Variants in EIF4E3 observed in about 807,000 individuals in gnomAD.
EIF4E3 encodes eukaryotic translation initiation factor 4E type 3.
A neutral mutation model predicts 31.7 loss-of-function variants in EIF4E3; 26 were observed. The ratio of observed to expected loss-of-function variants is 0.82; its 90% CI spans 0.60 to 1.14. EIF4E3 has a LOEUF of 1.14. Ranked by LOEUF, EIF4E3 falls within the 50% of genes most tolerant of loss-of-function variation. EIF4E3 has a pLI of 0.00. For synonymous variants in EIF4E3, 128 were observed against 107.7 expected, an observed-to-expected ratio of 1.19 and a Z score of -1.17; for missense variants, 304 against 270.9, an observed-to-expected ratio of 1.12 and a Z score of -0.86.
chr3:71,693,804 G>C, intron 5 of EIF4E3, 71 bp downstream of exon 5: 2 of 1,341,478 alleles, frequency 1.5e-6, no homozygotes, highest in Non-Finnish European at 2.0e-6. Flanking sequence ...GTGATAACAA[G>C]CTGCTGCAAG....
chr3:71,710,030 C>T (rs897336413), intron 2 of EIF4E3, among the ~76,000 whole-genome samples: 1 of 151,158 alleles, frequency 6.6e-6, no homozygotes, highest in South Asian at 2.1e-4. Context: ...AGGGAAGGCG[C>T]CACTGCCTCT....
chr3:71,718,600 G>A (rs1179281028), intron 1 of EIF4E3, among the ~76,000 whole-genome samples: 1 of 152,196 alleles, frequency 6.6e-6, no homozygotes, highest in African/African-American at 2.4e-5. Context: ...TCCCATGACA[G>A]ATCACTAAAT....
chr3:71,665,711 C>T, the EIF4E3 span, among the ~76,000 whole-genome samples: 2 of 152,148 alleles, frequency 1.3e-5, no homozygotes, highest in African/African-American at 4.8e-5. Flanking sequence ...AAGTAAAACA[C>T]CCCTCAGCAA....
intron 4 of EIF4E3, among the ~76,000 whole-genome samples, chr3:71,694,557 T>TCAGTC (rs144945424): frequency 0.1 from 15,410 of 152,118 alleles, 1,795 homozygotes; most frequent in East Asian, 0.49. Flanking sequence ...CAATGAGAAA[T>TCAGTC]ACTGGAGTTT....
chr3:71,659,766 C>T, the EIF4E3 span, among the ~76,000 whole-genome samples: 1 of 152,232 alleles, frequency 6.6e-6, no homozygotes, highest in Non-Finnish European at 1.5e-5. Context: ...CCACATCCTG[C>T]TTCTCCATCA....
chr3:71,720,014 A>AATATAT (rs556321292), intron 1 of EIF4E3, among the ~76,000 whole-genome samples: 2 of 151,162 alleles, frequency 1.3e-5, no homozygotes, highest in African/African-American at 4.9e-5. Flanking sequence ...CCTGTCTCAA[A>AATATAT]ATATATATAT....
Position 71,681,552 on chromosome 3 carries a change from A to C in EIF4E3, c.*3130T>G, listed in dbSNP as rs771747189. ...GGAGTTACACCAGTGGCCAGATTGG[A>C]TCAGATATTTAATGCTTGATTAGGG... On this transcript the variant is annotated 3_prime_UTR_variant, in exon 7 of 7. Coordinates refer to ENST00000425534, the MANE Select transcript of EIF4E3 (RefSeq NM_001134651.2). 2 of 152,242 alleles carry C rather than the reference A, an allele frequency of 1.3e-5. No individual in the cohort carries two copies. Among genetic ancestry groups the C allele is most frequent in the Non-Finnish European group, 2.9e-5 (2 of 68,070 alleles). 9.4% of individuals were successfully genotyped at this position (152,242 alleles called of 1,614,324 possible).
chr3:71,694,806 C>T (rs746697311), intron 4 of EIF4E3, among the ~76,000 whole-genome samples: 5 of 152,096 alleles, frequency 3.3e-5, no homozygotes, highest in African/African-American at 4.8e-5. Flanking sequence ...ATAATAGGTC[C>T]GACCTTCCAG....
At chr3:71,708,748 T>TA (rs1372565208) in intron 2 of EIF4E3, among the ~76,000 whole-genome samples, 2 of 152,098 alleles carry the variant, frequency 1.3e-5, no homozygotes, top group Non-Finnish European at 2.9e-5. Flanking sequence ...CTCTGAGGAT[T>TA]AAAAAATGGC....
At position 71,684,570 on chromosome 3, in the gene EIF4E3, A is replaced by G. The variant is rs978558202; in HGVS notation, c.*112T>C. 2.5e-5 allele frequency: 33 copies of G among 1,328,304 alleles called. No homozygotes were observed. Among genetic ancestry groups the G allele is most frequent in the Non-Finnish European group, 3.4e-5 (32 of 940,242 alleles). The allele number at this position is 1,328,304 out of a possible 1,614,324, so 82.3% of individuals were successfully genotyped here. A position where few individuals can be genotyped will look rare whatever the true frequency, so the allele number is the denominator to read the frequency against. ...TGCCCATCTGCAAGGACAGAAACCC[A>G]CTCTAAATTGACCAGCATCGGCTTC... On this transcript the variant is annotated 3_prime_UTR_variant, in exon 7 of 7. Transcript: ENST00000425534.
chr3:71,735,782 A>C (rs1182849911), intron 1 of EIF4E3, among the ~76,000 whole-genome samples: 1 of 151,042 alleles, frequency 6.6e-6, no homozygotes, highest in Non-Finnish European at 1.5e-5. Context: ...TTTTTTTTTC[A>C]AGTGAAGATC....
intron 1 of EIF4E3, among the ~76,000 whole-genome samples, chr3:71,724,708 C>G (rs920176347): frequency 6.2e-4 from 94 of 152,312 alleles, no homozygotes; most frequent in African/African-American, 2.2e-3. Context: ...GGTGGGAGCG[C>G]CCGCCGTGCA....
chr3:71,668,277 G>GTT, the EIF4E3 span, among the ~76,000 whole-genome samples: 4 of 152,214 alleles, frequency 2.6e-5, no homozygotes, highest in East Asian at 7.7e-4. Flanking sequence ...AGATGTAAAC[G>GTT]TAAGACCTAA....
the EIF4E3 span, among the ~76,000 whole-genome samples, chr3:71,665,588 C>G: frequency 1.3e-5 from 2 of 152,334 alleles, no homozygotes; most frequent in African/African-American, 4.8e-5. Flanking sequence ...GAGCTGCCTT[C>G]TGGACCAAGT....
chr3:71,663,402 C>G, the EIF4E3 span, among the ~76,000 whole-genome samples: 3 of 152,172 alleles, frequency 2.0e-5, no homozygotes, highest in African/African-American at 7.2e-5. Context: ...CAAGAATCAG[C>G]TTATCCTTTC....
downstream of EIF4E3, among the ~76,000 whole-genome samples, chr3:71,674,090 C>CTTTTTTTTTT (rs71277509): frequency 8.0e-5 from 2 of 25,072 alleles, no homozygotes; most frequent in Admixed American, 6.0e-4. Flanking sequence ...ATCAACTGTA[C>CTTTTTTTTTT]TTTTTTTTTT....
intron 1 of EIF4E3, among the ~76,000 whole-genome samples, chr3:71,737,608 A>G (rs1387022251): frequency 6.6e-6 from 1 of 152,170 alleles, no homozygotes; most frequent in Admixed American, 6.5e-5. Flanking sequence ...GCAGAAAAAA[A>G]GACACATTTT....
intron 1 of EIF4E3, among the ~76,000 whole-genome samples, chr3:71,719,551 G>A (rs961113455): frequency 4.6e-5 from 7 of 150,814 alleles, no homozygotes; most frequent in African/African-American, 1.5e-4. Flanking sequence ...AAAAAAAAAA[G>A]TCTGCAAATA....
At chr3:71,671,315 G>A (rs754047739), downstream of EIF4E3, among the ~76,000 whole-genome samples, 6 of 152,096 alleles carry the variant, frequency 3.9e-5, no homozygotes, top group Admixed American at 6.5e-5. Flanking sequence ...GTGAGCAGGA[G>A]GGGGCCCAGC....
Sources: gnomAD v4.1 joint callset for allele counts (sites outside exome capture counted in the v4.1 genomes callset) on GRCh38, gnomAD v4.1.1 for gene constraint, MANE v1.5 for transcripts, NCBI Gene and HGNC (gene_info 2026-07-23, HGNC 2026-07-21) for gene names.